Variants in KIAA1217 observed in about 807,000 individuals in gnomAD.
KIAA1217 encodes KIAA1217.
KIAA1217 carries 88 observed loss-of-function variants against 163.9 expected under a neutral mutation model. That is an observed-to-expected ratio of 0.54 (90% CI 0.45 to 0.64). KIAA1217 has a LOEUF of 0.64. KIAA1217 is among the 30% of genes least tolerant of loss of function. The pLI is 0.00. For missense variants in KIAA1217, 2,372 were observed against 2,475.0 expected, an observed-to-expected ratio of 0.96 and a Z score of 0.88; for synonymous variants, 903 against 923.1, an observed-to-expected ratio of 0.98 and a Z score of 0.39.
At chr10:24,459,759 CA>C (rs112878125) in intron 5 of KIAA1217, among the ~76,000 whole-genome samples, 1,424 of 137,914 alleles carry the variant, frequency 0.01, 24 homozygotes, top group African/African-American at 0.032. Context: ...CTTAGCTCTA[CA>C]AAAAAAAAAA....
chr10:24,542,388 T>C, intron 17 of KIAA1217: 2 of 513,788 alleles, frequency 3.9e-6, no homozygotes, highest in Non-Finnish European at 3.1e-6. Flanking sequence ...CAATCTGATG[T>C]TGAAAAGAGG....
At position 24,536,866 on chromosome 10, in the gene KIAA1217, C is replaced by A. The variant is rs202240646; in HGVS notation, c.3507C>A (p.Gly1169=). The change falls in exon 17 of 21, where the codon GGC becomes GGA. Residue 1169 remains glycine, a synonymous_variant. Coordinates refer to ENST00000376454, the MANE Select transcript of KIAA1217 (RefSeq NM_019590.5). ...ADSHVKDTRS[G]ATVPPKEKKN... is the part of the protein sequence containing the mutation. ...GTCACGTTAAAGACACTAGGTCGGG[C>A]GCCACAGTGCCACCCAAGGAGAAGA... The A allele has an allele frequency of 6.2e-7, 1 of 1,613,946 alleles. No homozygotes were observed. Among genetic ancestry groups the A allele is most frequent in the South Asian group, 1.1e-5 (1 of 91,050 alleles).
chr10:24,503,586 G>A (rs1038129847), intron 9 of KIAA1217, among the ~76,000 whole-genome samples: 4 of 152,172 alleles, frequency 2.6e-5, no homozygotes, highest in Admixed American at 2.6e-4. Flanking sequence ...CTCTTAACCT[G>A]ATAGAATAAG....
chr10:24,430,601 TTGTTTTCC>T (rs2059526638), intron 3 of KIAA1217, among the ~76,000 whole-genome samples: 1 of 151,982 alleles, frequency 6.6e-6, no homozygotes, highest in Non-Finnish European at 1.5e-5. Flanking sequence ...AGCCCTGAGC[TTGTTTTCC>T]TGTAACTAGT....
At chr10:24,361,344 T>C (rs1047932496) in intron 2 of KIAA1217, among the ~76,000 whole-genome samples, 4 of 152,110 alleles carry the variant, frequency 2.6e-5, no homozygotes, top group African/African-American at 9.7e-5. Flanking sequence ...GACGCCACCA[T>C]GCCTGGCGAA....
At chr10:23,871,460 A>G (rs1840452177) in intron 1 of KIAA1217, among the ~76,000 whole-genome samples, 1 of 151,978 alleles carries the variant, frequency 6.6e-6, no homozygotes, top group Non-Finnish European at 1.5e-5. Flanking sequence ...ACAAGAGGGA[A>G]GTTCTGTCCT....
chr10:23,943,213 G>A (rs966410712), intron 1 of KIAA1217, among the ~76,000 whole-genome samples: 6 of 152,062 alleles, frequency 3.9e-5, no homozygotes, highest in African/African-American at 1.4e-4. Flanking sequence ...AGTAAAAGCT[G>A]TTTATATTTA....
At chr10:24,133,509 T>C (rs1169918805) in intron 2 of KIAA1217, among the ~76,000 whole-genome samples, 1 of 151,310 alleles carries the variant, frequency 6.6e-6, no homozygotes. Flanking sequence ...GAGGCAGAGG[T>C]TGCAGTGAGC....
In KIAA1217 at chr10:24,528,113, C is replaced by T; in HGVS notation, c.3076C>T (p.Leu1026Phe). ...AGATGCCCCAGTGGACAAGGTGGAA[C>T]TTTCAGGTAAGTTCCGGTCCCACAG... Reference protein sequence around the residue: ...RGDAPVDKVELSEDSPNSEQD... With the variant: ...RGDAPVDKVEFSEDSPNSEQD... The change falls in exon 14 of 21, where the codon CTT (leucine) becomes TTT (phenylalanine). Residue 1026 changes from leucine to phenylalanine, a missense_variant. Physicochemically the swap from Leu to Phe is conservative, Grantham distance 22. Coordinates refer to ENST00000376454, the MANE Select transcript of KIAA1217 (RefSeq NM_019590.5). The T allele has an allele frequency of 6.2e-7, 1 of 1,613,844 alleles. No individual in the cohort carries two copies. Among genetic ancestry groups the T allele is most frequent in the Non-Finnish European group, 8.5e-7 (1 of 1,179,884 alleles).
chr10:24,468,668 C>T (rs1258780579), intron 5 of KIAA1217, among the ~76,000 whole-genome samples: 2 of 152,136 alleles, frequency 1.3e-5, no homozygotes, highest in Non-Finnish European at 2.9e-5. Flanking sequence ...GCTCCAGATC[C>T]GGGCTGCTGA....
intron 2 of KIAA1217, among the ~76,000 whole-genome samples, chr10:24,337,358 T>A (rs1016071379): frequency 6.6e-6 from 1 of 152,314 alleles, no homozygotes; most frequent in South Asian, 2.1e-4. Flanking sequence ...AAACTACAGT[T>A]AGATACATAT....
At chr10:23,987,724 G>A (rs1355188057) in intron 1 of KIAA1217, among the ~76,000 whole-genome samples, 2 of 152,008 alleles carry the variant, frequency 1.3e-5, no homozygotes, top group Non-Finnish European at 2.9e-5. Flanking sequence ...ACTACGTTGT[G>A]CAATAGATCT....
chr10:24,027,026 T>C (rs1441905749), intron 2 of KIAA1217, among the ~76,000 whole-genome samples: 1 of 152,134 alleles, frequency 6.6e-6, no homozygotes, highest in African/African-American at 2.4e-5. Flanking sequence ...GTTATTGAGA[T>C]GTTTGTTGTT....
chr10:24,450,943 A>G (rs2061334099), intron 5 of KIAA1217, among the ~76,000 whole-genome samples: 2 of 152,238 alleles, frequency 1.3e-5, no homozygotes, highest in East Asian at 1.9e-4. Flanking sequence ...TATAATGTTT[A>G]CGTGGCTTCA....
chr10:23,911,817 A>C (rs1413610033), intron 1 of KIAA1217, among the ~76,000 whole-genome samples: 1 of 152,096 alleles, frequency 6.6e-6, no homozygotes, highest in Non-Finnish European at 1.5e-5. Flanking sequence ...GGTGCTTTGC[A>C]ATCAGTAGGC....
At chr10:24,465,069 C>A (rs1287245320) in intron 5 of KIAA1217, among the ~76,000 whole-genome samples, 5 of 152,182 alleles carry the variant, frequency 3.3e-5, no homozygotes, top group Non-Finnish European at 7.4e-5. Context: ...CTCCATCCCC[C>A]TTCCTGGAAA....
At chr10:24,126,386 G>C (rs932145373) in intron 2 of KIAA1217, among the ~76,000 whole-genome samples, 7 of 151,940 alleles carry the variant, frequency 4.6e-5, no homozygotes, top group African/African-American at 1.5e-4. Context: ...TTTTCATATA[G>C]TATTTATGCC....
intron 2 of KIAA1217, among the ~76,000 whole-genome samples, chr10:24,011,604 A>T (rs1847238234): frequency 1.3e-5 from 2 of 152,220 alleles, no homozygotes; most frequent in South Asian, 4.1e-4. Flanking sequence ...TGCAGAAACC[A>T]GATTCAAACA....
intron 1 of KIAA1217, among the ~76,000 whole-genome samples, chr10:23,901,836 G>A (rs1841968597): frequency 1.3e-5 from 2 of 151,122 alleles, no homozygotes; most frequent in East Asian, 2.0e-4. Flanking sequence ...GTTTGAACCT[G>A]GGAGGTGGAG....
Sources: allele counts gnomAD v4.1 joint callset (sites outside exome capture counted in the v4.1 genomes callset), GRCh38; gene constraint gnomAD v4.1.1; transcripts MANE v1.5; gene names NCBI Gene and HGNC (gene_info 2026-07-23, HGNC 2026-07-21).